SOWAHB: variants seen among roughly 807,000 people sequenced by gnomAD.
The protein encoded by SOWAHB is ankyrin repeat domain-containing protein SOWAHB.
Under a neutral mutation model 18.3 loss-of-function variants are expected in SOWAHB, and 17 were observed. The observed-to-expected ratio is 0.93, with a 90% confidence interval of 0.64 to 1.40. The LOEUF is 1.40. SOWAHB is among the 40% of genes most tolerant of loss of function. SOWAHB has a pLI of 0.00. For missense variants in SOWAHB, 1,126 were observed against 1,033.7 expected (o/e 1.09, Z -1.22); for synonymous variants, 496 against 448.1 (o/e 1.11, Z -1.35).
rs753619095 is a variant in SOWAHB, at chr4:76,895,470, A to T, written c.2380T>A (p.Ter794ArgextTer24). 1 of 1,586,426 alleles carries T rather than the reference A, an allele frequency of 6.3e-7. No homozygotes were observed. The highest frequency in any genetic ancestry group is 2.2e-5 in the East Asian group (1 of 44,578). The change falls in exon 1 of 1, where the codon TGA (stop) becomes AGA (arginine). Residue 794 changes from the stop codon to arginine, a stop_lost. Transcript: ENST00000334306. ...SPREREEYSD[*>R] ...CATGTTGGACAGAGAGACCCACCTC[A>T]GTCACTATACTCTTCTCTTTCCCTT... is the stretch of plus-strand genomic sequence containing the variant.
rs769389451 is a variant in SOWAHB, at chr4:76,896,454, T to A, written c.1396A>T (p.Ile466Phe). Residue 466 changes from isoleucine (I) to phenylalanine (F), a missense_variant, in exon 1 of 1, where the codon ATC (isoleucine) becomes TTC (phenylalanine). Transcript: ENST00000334306. ...GCCCCTGCAGGGACCTGCTGAGAGATGTGACCATCCCCTCTGTTTCTGAGA... is the reference window on the plus strand; with the variant it reads ...GCCCCTGCAGGGACCTGCTGAGAGAAGTGACCATCCCCTCTGTTTCTGAGA... ...QGLRNRGDGH[I>F]SQQVPAGANG... The A allele has an allele frequency of 3.7e-6, 6 of 1,612,492 alleles. No homozygotes were observed. Among genetic ancestry groups the A allele is most frequent in the African/African-American group, 1.3e-5 (1 of 74,914 alleles).
In SOWAHB at chr4:76,896,602, C is replaced by T. The variant is rs1259293042; in HGVS notation, c.1248G>A (p.Pro416=). The change falls in exon 1 of 1, where the codon CCG becomes CCA. Residue 416 remains proline, a synonymous_variant. Transcript: ENST00000334306. The stretch of plus-strand genomic sequence containing the variant: ...CCTGCAGCCCCTCTTCAGAAGCCCC[C>T]GGGGAGTCTTTGGGCCCACTGCTGC... ...EESSSGPKDS[P]GASEEGLQVV... 3.1e-6 allele frequency: 5 copies of T among 1,613,758 alleles called. No individual in the cohort carries two copies. The highest frequency in any genetic ancestry group is 1.1e-5 in the South Asian group (1 of 91,072).
chr4:76,897,958 C>G lies in SOWAHB; in HGVS notation c.-109G>C, dbSNP rs1560663355. ...AGTGTCACCTGCGCCCGGGGCGGCA[C>G]TAGCCGCCCCCATCAGCCGCGGAGG... On this transcript the variant is annotated 5_prime_UTR_variant, in exon 1 of 1. Coordinates refer to ENST00000334306, the MANE Select transcript of SOWAHB (RefSeq NM_001029870.3). The surrounding 1 kb of genome is among the most constrained non-coding windows in gnomAD (Gnocchi z 6.4). 3 of 1,183,780 alleles carry G rather than the reference C, an allele frequency of 2.5e-6. No individual in the cohort carries two copies. Among genetic ancestry groups the G allele is most frequent in the Non-Finnish European group, 3.5e-6 (3 of 868,716 alleles). 73.3% of individuals were successfully genotyped at this position (1,183,780 alleles called of 1,614,324 possible).
Position 76,897,963 on chromosome 4 carries a change from C to T in SOWAHB, c.-114G>A. On this transcript the variant is annotated 5_prime_UTR_variant, in exon 1 of 1. Coordinates refer to ENST00000334306, the MANE Select transcript of SOWAHB (RefSeq NM_001029870.3). The surrounding 1 kb of genome is among the most constrained non-coding windows in gnomAD (Gnocchi z 6.4). ...CACCTGCGCCCGGGGCGGCACTAGC[C>T]GCCCCCATCAGCCGCGGAGGCCAGC... 1.7e-6 allele frequency: 2 copies of T among 1,165,622 alleles called. No individual in the cohort carries two copies. Among genetic ancestry groups the T allele is most frequent in the South Asian group, 1.6e-5 (1 of 62,628 alleles). The allele number at this position is 1,165,622 out of a possible 1,614,324, so 72.2% of individuals were successfully genotyped here. A position where few individuals can be genotyped will look rare whatever the true frequency, so the allele number is the denominator to read the frequency against.
In SOWAHB at chr4:76,896,341, C is replaced by T. The variant is rs1346439384; in HGVS notation, c.1509G>A (p.Gly503=). ...RRSLRRSSLA[G]RAKLSSSDEE... is the part of the protein sequence containing the mutation. ...CATCAGAGGAGGACAATTTGGCTCT[C>T]CCTGCCAGAGAGCTCCTCCTGAGGG... The change falls in exon 1 of 1, where the codon GGG becomes GGA. Residue 503 remains glycine (G), a synonymous_variant. Transcript: ENST00000334306. The T allele has an allele frequency of 2.5e-6, 4 of 1,603,188 alleles. No individual in the cohort carries two copies. Among genetic ancestry groups the T allele is most frequent in the Non-Finnish European group, 1.7e-6 (2 of 1,172,938 alleles).
rs1229647582 is a variant in SOWAHB at position 76,897,369 on chromosome 4, C to T, written c.481G>A (p.Gly161Ser). The T allele has an allele frequency of 3.3e-6, 5 of 1,529,234 alleles. No individual in the cohort carries two copies. The African/African-American group carries it at 4.2e-5, about 13-fold the overall frequency. 94.7% of individuals were successfully genotyped at this position (1,529,234 alleles called of 1,614,324 possible). ...TGTCCGGGACTGCCCTTCGATCCGC[C>T]GCCCTTCCCGGGCGCCCTACGGGAG... Reference protein sequence around the residue: ...SDSRRAPGKGGGSKGSPGQRP... With the variant: ...SDSRRAPGKGSGSKGSPGQRP... Residue 161 changes from glycine (G) to serine (S), a missense_variant, in exon 1 of 1, where the codon GGC becomes AGC. Transcript: ENST00000334306. This position sits in a 1 kb window ranked among gnomAD's most constrained non-coding sequence, Gnocchi z 6.4.
chr4:76,896,315 T>C lies in SOWAHB; in HGVS notation c.1535A>G (p.Glu512Gly). The change falls in exon 1 of 1, where the codon GAG (glutamate) becomes GGG (glycine). Residue 512 changes from glutamate (E) to glycine (G), a missense_variant. By Grantham distance (98) the Glu-to-Gly change is moderately conservative. Transcript: ENST00000334306. Reference sequence around the variant, plus strand: ...CAGCAAGCCCTCATCGAGGTACTCCTCATCAGAGGAGGACAATTTGGCTCT... The same window carrying C: ...CAGCAAGCCCTCATCGAGGTACTCCCCATCAGAGGAGGACAATTTGGCTCT... ...AGRAKLSSSD[E>G]EYLDEGLLKR... 1 of 1,606,968 alleles carries C rather than the reference T, an allele frequency of 6.2e-7. No individual in the cohort carries two copies. Among genetic ancestry groups the C allele is most frequent in the Non-Finnish European group, 8.5e-7 (1 of 1,175,166 alleles).
In SOWAHB at chr4:76,897,404, G is replaced by C. The variant is rs755017344; in HGVS notation, c.446C>G (p.Pro149Arg). The change falls in exon 1 of 1, where the codon CCG becomes CGG. Residue 149 changes from proline (P) to arginine (R), a missense_variant. By Grantham distance (103) the Pro-to-Arg change is moderately radical. Coordinates refer to ENST00000334306, the MANE Select transcript of SOWAHB (RefSeq NM_001029870.3). The surrounding 1 kb of genome is among the most constrained non-coding windows in gnomAD (Gnocchi z 6.4). The stretch of plus-strand genomic sequence containing the variant: ...GGGCGCCCTACGGGAGTCGCTGCCC[G>C]GGAGTCCATTGCAAGCTGCGTCGGC... ...RAADAACNGL[P>R]GSDSRRAPGK... 16 of 1,524,498 alleles carry C rather than the reference G, an allele frequency of 1.0e-5. No individual in the cohort carries two copies. The highest frequency in any genetic ancestry group is 2.9e-5 in the African/African-American group (2 of 70,154). 94.4% of individuals were successfully genotyped at this position (1,524,498 alleles called of 1,614,324 possible).
Position 76,897,033 on chromosome 4 carries a change from G to T in SOWAHB, c.817C>A (p.Pro273Thr), listed in dbSNP as rs1244110528. ...GGAGCGGGGCCGGGCAGGAGAGCAG[G>T]CGGGGAAGCCCTGCTTGTCGCAGCC... ...VEAATSRASP[P>T]ALLPGPAPRG... Residue 273 changes from proline (P) to threonine (T), a missense_variant, in exon 1 of 1, where the codon CCT becomes ACT. Coordinates refer to ENST00000334306, the MANE Select transcript of SOWAHB (RefSeq NM_001029870.3). This position sits in a 1 kb window ranked among gnomAD's most constrained non-coding sequence, Gnocchi z 6.4. 9 of 1,549,308 alleles carry T rather than the reference G, an allele frequency of 5.8e-6. No homozygotes were observed. The highest frequency in any genetic ancestry group is 7.8e-6 in the Non-Finnish European group (9 of 1,153,958).
In SOWAHB at chr4:76,897,761, A is replaced by C; in HGVS notation, c.89T>G (p.Phe30Cys). 6.2e-7 allele frequency: 1 copy of C among 1,607,128 alleles called. No individual in the cohort carries two copies. Among genetic ancestry groups the C allele is most frequent in the Non-Finnish European group, 8.5e-7 (1 of 1,179,874 alleles). Residue 30 changes from phenylalanine (F) to cysteine (C), a missense_variant, in exon 1 of 1, where the codon TTC becomes TGC. Phe to Cys is a radical substitution (Grantham distance 205). Transcript: ENST00000334306. This position sits in a 1 kb window ranked among gnomAD's most constrained non-coding sequence, Gnocchi z 6.4. The part of the protein sequence containing the change: ...RVTNAALLSH[F>C]KSFLRDPDAS... ...GTCGGGGTCTCGGAGAAAGCTCTTG[A>C]AGTGGCTCAGCAAGGCAGCGTTGGT...
chr4:76,897,983 G>A lies in SOWAHB; in HGVS notation c.-134C>T. 2 of 958,760 alleles carry A rather than the reference G, an allele frequency of 2.1e-6. No individual in the cohort carries two copies. Among genetic ancestry groups the A allele is most frequent in the African/African-American group, 1.7e-5 (1 of 59,774 alleles). The allele number at this position is 958,760 out of a possible 1,614,324, so 59.4% of individuals were successfully genotyped here. A position where few individuals can be genotyped will look rare whatever the true frequency, so the allele number is the denominator to read the frequency against. Reference sequence around the variant, plus strand: ...CTAGCCGCCCCCATCAGCCGCGGAGGCCAGCGCTGCCCGCAGCCCGTGAGC... The same window carrying A: ...CTAGCCGCCCCCATCAGCCGCGGAGACCAGCGCTGCCCGCAGCCCGTGAGC... On this transcript the variant is annotated 5_prime_UTR_variant, in exon 1 of 1. Coordinates refer to ENST00000334306, the MANE Select transcript of SOWAHB (RefSeq NM_001029870.3). This position sits in a 1 kb window ranked among gnomAD's most constrained non-coding sequence, Gnocchi z 6.4.
chr4:76,897,927 C>G lies in SOWAHB; in HGVS notation c.-78G>C, dbSNP rs1425979935. 2.0e-5 allele frequency: 29 copies of G among 1,429,876 alleles called. No individual in the cohort carries two copies. The East Asian group carries it at 7.0e-4, about 35-fold the overall frequency. 88.6% of individuals were successfully genotyped at this position (1,429,876 alleles called of 1,614,324 possible). A position where few individuals can be genotyped will look rare whatever the true frequency, so the allele number is the denominator to read the frequency against. On this transcript the variant is annotated 5_prime_UTR_variant, in exon 1 of 1. Transcript: ENST00000334306. This position sits in a 1 kb window ranked among gnomAD's most constrained non-coding sequence, Gnocchi z 6.4. ...CTCCCCAGCCAGAGGAAACCCTGGC[C>G]GGGCGAGTGTCACCTGCGCCCGGGG...
At position 76,896,311 on chromosome 4, in the gene SOWAHB, C is replaced by T. The variant is rs1415203801; in HGVS notation, c.1539G>A (p.Glu513=). The change falls in exon 1 of 1, where the codon GAG becomes GAA. Residue 513 remains glutamate, a synonymous_variant. Coordinates refer to ENST00000334306, the MANE Select transcript of SOWAHB (RefSeq NM_001029870.3). ...TTTTCAGCAAGCCCTCATCGAGGTA[C>T]TCCTCATCAGAGGAGGACAATTTGG... ...GRAKLSSSDE[E]YLDEGLLKRS... 1.9e-6 allele frequency: 3 copies of T among 1,608,720 alleles called. No individual in the cohort carries two copies. Among genetic ancestry groups the T allele is most frequent in the Admixed American group, 3.3e-5 (2 of 59,764 alleles).
chr4:76,894,271 T>C lies in SOWAHB; in HGVS notation c.*1197A>G, dbSNP rs1179558945. 6.6e-6 allele frequency among the ~76,000 whole-genome samples: 1 copy of C among 152,098 alleles called. No homozygotes were observed. The highest frequency in any genetic ancestry group is 2.1e-4 in the South Asian group (1 of 4,824). Reference sequence around the variant, plus strand: ...TCATGAAAACATTCCCATAAAAAATTAACAATTTCCACTTGAACATGTATT... The same window carrying C: ...TCATGAAAACATTCCCATAAAAAATCAACAATTTCCACTTGAACATGTATT... On this transcript the variant is annotated 3_prime_UTR_variant, in exon 1 of 1. Coordinates refer to ENST00000334306, the MANE Select transcript of SOWAHB (RefSeq NM_001029870.3).
Position 76,895,434 on chromosome 4 carries a change from A to C in SOWAHB, c.*34T>G. 1 of 1,534,328 alleles carries C rather than the reference A, an allele frequency of 6.5e-7. No individual in the cohort carries two copies. On this transcript the variant is annotated 3_prime_UTR_variant, in exon 1 of 1. Coordinates refer to ENST00000334306, the MANE Select transcript of SOWAHB (RefSeq NM_001029870.3). Reference sequence around the variant, plus strand: ...ATTCTCTCACTGAGCAGGATGAGGGAGTGCTGCCTGCATGTTGGACAGAGA... The same window carrying C: ...ATTCTCTCACTGAGCAGGATGAGGGCGTGCTGCCTGCATGTTGGACAGAGA...
Position 76,897,537 on chromosome 4 carries a change from A to T in SOWAHB, c.313T>A (p.Cys105Ser). ...CCCCGGCGCGCGCCTCGCGGGGAGC[A>T]GGGCGCAGCTCCCCCTGCACTGGGG... ...AAPSAGGAAP[C>S]SPRGARRGEP... is the part of the protein sequence containing the mutation. The change falls in exon 1 of 1, where the codon TGC becomes AGC. Residue 105 changes from cysteine to serine, a missense_variant. By Grantham distance (112) the Cys-to-Ser change is moderately radical. Coordinates refer to ENST00000334306, the MANE Select transcript of SOWAHB (RefSeq NM_001029870.3). This position sits in a 1 kb window ranked among gnomAD's most constrained non-coding sequence, Gnocchi z 6.4. 6.8e-7 allele frequency: 1 copy of T among 1,461,778 alleles called. No homozygotes were observed. Among genetic ancestry groups the T allele is most frequent in the Non-Finnish European group, 8.9e-7 (1 of 1,117,896 alleles). The allele number at this position is 1,461,778 out of a possible 1,614,324, so 90.6% of individuals were successfully genotyped here. A position where few individuals can be genotyped will look rare whatever the true frequency, so the allele number is the denominator to read the frequency against.
chr4:76,895,476 T>C lies in SOWAHB; in HGVS notation c.2374A>G (p.Ser792Gly). Residue 792 changes from serine (S) to glycine (G), a missense_variant, in exon 1 of 1, where the codon AGT becomes GGT. Ser to Gly is a moderately conservative substitution (Grantham distance 56, BLOSUM62 0). Coordinates refer to ENST00000334306, the MANE Select transcript of SOWAHB (RefSeq NM_001029870.3). ...FHSPREREEY[S>G]D ...GGACAGAGAGACCCACCTCAGTCAC[T>C]ATACTCTTCTCTTTCCCTTGGACTG... 1.3e-6 allele frequency: 2 copies of C among 1,599,242 alleles called. No homozygotes were observed. Among genetic ancestry groups the C allele is most frequent in the Non-Finnish European group, 8.5e-7 (1 of 1,172,388 alleles).
rs968233283 is a variant in SOWAHB at position 76,897,464 on chromosome 4, G to A, written c.386C>T (p.Pro129Leu). 1.3e-6 allele frequency: 2 copies of A among 1,494,418 alleles called. No individual in the cohort carries two copies. The highest frequency in any genetic ancestry group is 1.8e-6 in the Non-Finnish European group (2 of 1,129,424). 92.6% of individuals were successfully genotyped at this position (1,494,418 alleles called of 1,614,324 possible). A position where few individuals can be genotyped will look rare whatever the true frequency, so the allele number is the denominator to read the frequency against. ...TGCTGCACCTGCTGGCTCCTCCTCC[G>A]GCTCCTTCTCGCGCCGCCGCCGCCT... The part of the protein sequence containing the change: ...QPRRRRREKE[P>L]EEEPAGAAAR... Residue 129 changes from proline (P) to leucine (L), a missense_variant, in exon 1 of 1, where the codon CCG becomes CTG. Coordinates refer to ENST00000334306, the MANE Select transcript of SOWAHB (RefSeq NM_001029870.3). The surrounding 1 kb of genome is among the most constrained non-coding windows in gnomAD (Gnocchi z 6.4).
Position 76,897,463 on chromosome 4 carries a change from C to A in SOWAHB, c.387G>T (p.Pro129=). The change falls in exon 1 of 1, where the codon CCG becomes CCT. Residue 129 remains proline, a synonymous_variant. Transcript: ENST00000334306. The surrounding 1 kb of genome is among the most constrained non-coding windows in gnomAD (Gnocchi z 6.4). The part of the protein sequence containing the change: ...QPRRRRREKE[P]EEEPAGAAAR... ...CTGCTGCACCTGCTGGCTCCTCCTC[C>A]GGCTCCTTCTCGCGCCGCCGCCGCC... The A allele has an allele frequency of 6.7e-7, 1 of 1,495,018 alleles. No homozygotes were observed. The highest frequency in any genetic ancestry group is 2.9e-5 in the East Asian group (1 of 35,030). The allele number at this position is 1,495,018 out of a possible 1,614,324, so 92.6% of individuals were successfully genotyped here. A position where few individuals can be genotyped will look rare whatever the true frequency, so the allele number is the denominator to read the frequency against.
Sources: allele counts gnomAD v4.1 joint callset (sites outside exome capture counted in the v4.1 genomes callset), GRCh38; gene constraint gnomAD v4.1.1; non-coding constraint Gnocchi (gnomAD v3.1); transcripts MANE v1.5; gene names NCBI Gene and HGNC (gene_info 2026-07-23, HGNC 2026-07-21).